The following PAPPA variants were observed in gnomAD, a reference collection of about 807,000 sequenced individuals.
PAPPA encodes pappalysin-1.
Under a neutral mutation model 164.0 loss-of-function variants are expected in PAPPA, and 60 were observed. The ratio of observed to expected loss-of-function variants is 0.37; its 90% CI spans 0.30 to 0.45. The LOEUF (loss-of-function observed/expected upper bound fraction) is 0.45. PAPPA is among the 20% of genes least tolerant of loss of function. The pLI, the probability that PAPPA is intolerant of heterozygous loss-of-function variation, is 1.00. For synonymous variants in PAPPA, 875 were observed against 814.1 expected (o/e 1.07, Z -1.27); for missense variants, 1,782 against 2,087.3 (o/e 0.85, Z 2.85).
chr9:116,305,440 G>A (rs1845633859), intron 10 of PAPPA, among the ~76,000 whole-genome samples: 1 of 136,470 alleles, frequency 7.3e-6, no homozygotes, highest in South Asian at 2.6e-4. Context: ...CCCCCCAGAT[G>A]CTCATACTCT....
intron 13 of PAPPA, among the ~76,000 whole-genome samples, chr9:116,344,308 C>T (rs1846178039): frequency 6.6e-6 from 1 of 152,152 alleles, no homozygotes; most frequent in African/African-American, 2.4e-5. Flanking sequence ...ACATACAAAG[C>T]TTTCAAGTGG....
At chr9:116,162,766 A>G (rs904641570) in intron 1 of PAPPA, among the ~76,000 whole-genome samples, 27 of 152,346 alleles carry the variant, frequency 1.8e-4, no homozygotes, top group African/African-American at 5.8e-4. Flanking sequence ...ATTGCCACGC[A>G]TTATTTCTAA....
At chr9:116,285,744 A>C (rs914820058) in intron 9 of PAPPA, 1 of 152,210 alleles carries the variant, frequency 6.6e-6, no homozygotes. Context: ...GCTTTAATTC[A>C]TCTGATTTCC....
intron 8 of PAPPA, among the ~76,000 whole-genome samples, chr9:116,269,142 A>G (rs1845108917): frequency 6.6e-6 from 1 of 152,180 alleles, no homozygotes. Flanking sequence ...TGCATGAAGC[A>G]CTGTGCTACA....
chr9:116,382,196 G>A (rs1588029073), intron 20 of PAPPA, among the ~76,000 whole-genome samples, 199 bp from the exon 21 acceptor site: 1 of 152,110 alleles, frequency 6.6e-6, no homozygotes, highest in Non-Finnish European at 1.5e-5. Context: ...TTTATGAATG[G>A]TAGAAAGAAA....
At chr9:116,386,187 C>T (rs1278016766) in intron 21 of PAPPA, among the ~76,000 whole-genome samples, 1 of 152,126 alleles carries the variant, frequency 6.6e-6, no homozygotes, top group African/African-American at 2.4e-5. Flanking sequence ...GTGTTTGGGG[C>T]TTTTCAGATG....
intron 20 of PAPPA, among the ~76,000 whole-genome samples, chr9:116,379,551 C>A (rs1376778712): frequency 6.6e-6 from 1 of 151,848 alleles, no homozygotes; most frequent in Non-Finnish European, 1.5e-5. Flanking sequence ...ATCCATCCAT[C>A]CATCCATCCA....
chr9:116,232,039 C>G (rs1257100345), intron 6 of PAPPA, among the ~76,000 whole-genome samples: 2 of 152,076 alleles, frequency 1.3e-5, no homozygotes, highest in Admixed American at 1.3e-4. Flanking sequence ...CAGGCATGAG[C>G]CACCGCACCT....
At chr9:116,211,334 C>T (rs920356774) in intron 3 of PAPPA, among the ~76,000 whole-genome samples, 6 of 152,192 alleles carry the variant, frequency 3.9e-5, no homozygotes, top group South Asian at 2.1e-4. Context: ...ATCAGAGTTT[C>T]TGAATTGCTC....
intron 17 of PAPPA, among the ~76,000 whole-genome samples, chr9:116,362,319 A>C (rs539526512): frequency 1.3e-5 from 2 of 152,234 alleles, no homozygotes; most frequent in South Asian, 4.1e-4. Flanking sequence ...TTTCTGAAAG[A>C]CTACTAAGCT....
chr9:116,261,374 G>A (rs1326244640), intron 7 of PAPPA, among the ~76,000 whole-genome samples: 1 of 152,138 alleles, frequency 6.6e-6, no homozygotes. Context: ...TCTGGAAGAA[G>A]CAAAATGTGA....
At chr9:116,284,293 G>A (rs147129193) in intron 9 of PAPPA, among the ~76,000 whole-genome samples, 1 of 152,288 alleles carries the variant, frequency 6.6e-6, no homozygotes, top group Non-Finnish European at 1.5e-5. Flanking sequence ...CTATTAAATA[G>A]CATGTTCAAA....
At chr9:116,394,173 T>C (rs182738134) in intron 21 of PAPPA, among the ~76,000 whole-genome samples, 20 of 151,976 alleles carry the variant, frequency 1.3e-4, no homozygotes, top group Admixed American at 2.0e-4. Context: ...GACAAGGAGA[T>C]TGTTCAAGTG....
At chr9:116,323,551 GA>G (rs1179542144) in intron 10 of PAPPA, among the ~76,000 whole-genome samples, 4 of 151,936 alleles carry the variant, frequency 2.6e-5, no homozygotes, top group African/African-American at 9.7e-5. Context: ...CAAAAAGAAA[GA>G]AAGAGAGAGA....
At chr9:116,234,717 G>A (rs953990197) in intron 6 of PAPPA, among the ~76,000 whole-genome samples, 2 of 152,098 alleles carry the variant, frequency 1.3e-5, no homozygotes, top group Admixed American at 6.5e-5. Context: ...GAACCTGATC[G>A]ATTCACTCTA....
intron 19 of PAPPA, among the ~76,000 whole-genome samples, chr9:116,369,211 C>A (rs1256598743): frequency 2.0e-5 from 3 of 152,082 alleles, no homozygotes; most frequent in Non-Finnish European, 4.4e-5. Context: ...TTTCCCAAAC[C>A]TCAAGCTCTT....
At position 116,210,703 on chromosome 9, in the gene PAPPA, G is replaced by GTGA. The variant is rs952079908; in HGVS notation, c.1625-934_1625-932dup. Among the ~76,000 whole-genome samples the GTGA allele has an allele frequency of 5.6e-4, 85 of 152,262 alleles. 1 individual carries two copies. The highest frequency in any genetic ancestry group is 2.0e-3 in the African/African-American group (84 of 41,556). ...AGCAATTCTCAATCTTCTGAGGCAT[G>GTGA]TGATATAGACCATTGCTTCTCAAAC... On this transcript the variant is annotated intron_variant, in intron 3 of 21. Coordinates refer to ENST00000328252, the MANE Select transcript of PAPPA (RefSeq NM_002581.5).
intron 19 of PAPPA, chr9:116,373,196 C>A (rs771081965): frequency 4.6e-5 from 7 of 152,154 alleles, no homozygotes; most frequent in Non-Finnish European, 8.8e-5. Context: ...CAAAGAGATG[C>A]AGCCAGAATC....
At chr9:116,265,610 A>C (rs1303276237) in intron 7 of PAPPA, among the ~76,000 whole-genome samples, 1 of 152,224 alleles carries the variant, frequency 6.6e-6, no homozygotes, top group Non-Finnish European at 1.5e-5. Flanking sequence ...AAAAAACAAC[A>C]CCTAGTAAGT....
Sources: allele counts gnomAD v4.1 joint callset (sites outside exome capture counted in the v4.1 genomes callset), GRCh38; gene constraint gnomAD v4.1.1; transcripts MANE v1.5; gene names NCBI Gene and HGNC (gene_info 2026-07-23, HGNC 2026-07-21).